The following PTPRM variants were observed in gnomAD, a reference collection of about 807,000 sequenced individuals.
The protein encoded by PTPRM is receptor-type tyrosine-protein phosphatase mu.
PTPRM carries 47 observed loss-of-function variants against 186.7 expected under a neutral mutation model. That is an observed-to-expected ratio of 0.25 (90% CI 0.20 to 0.32). The LOEUF is 0.32. Among genes scored for constraint, PTPRM ranks in the 10% least tolerant of loss-of-function variants. The pLI, the probability that PTPRM is intolerant of heterozygous loss-of-function variation, is 1.00. For synonymous variants in PTPRM, 668 were observed against 674.9 expected, an observed-to-expected ratio of 0.99 and a Z score of 0.16; for missense variants, 1,494 against 1,865.0, an observed-to-expected ratio of 0.80 and a Z score of 3.66.
intron 19 of PTPRM, among the ~76,000 whole-genome samples, chr18:8,267,333 G>A (rs1644124856): frequency 1.3e-5 from 2 of 151,908 alleles, no homozygotes; most frequent in Non-Finnish European, 2.9e-5. Flanking sequence ...AGTTGTAAGA[G>A]TATGGAGTAT....
chr18:8,238,322 G>C (rs984469240), intron 14 of PTPRM, among the ~76,000 whole-genome samples: 2 of 151,926 alleles, frequency 1.3e-5, no homozygotes, highest in Admixed American at 6.6e-5. Flanking sequence ...TCTCTTTTCA[G>C]TTTTGGAGGT....
chr18:7,981,811 G>T (rs978199209), intron 7 of PTPRM, among the ~76,000 whole-genome samples: 1 of 152,178 alleles, frequency 6.6e-6, no homozygotes, highest in Non-Finnish European at 1.5e-5. Context: ...TGTAGAGCAT[G>T]TTACTGTATT....
intron 22 of PTPRM, among the ~76,000 whole-genome samples, chr18:8,342,877 G>A (rs2095482987): frequency 6.6e-6 from 1 of 151,660 alleles, no homozygotes; most frequent in East Asian, 1.9e-4. Context: ...TGTTCAGTGA[G>A]AGGAAGTGCA....
At chr18:8,014,019 A>G (rs561703813) in intron 7 of PTPRM, among the ~76,000 whole-genome samples, 11 of 152,328 alleles carry the variant, frequency 7.2e-5, no homozygotes, top group Admixed American at 7.2e-4. Flanking sequence ...TCAAGTTAAA[A>G]TGAATAAACC....
chr18:7,793,985 C>T (rs1159938023), intron 2 of PTPRM, among the ~76,000 whole-genome samples: 2 of 152,178 alleles, frequency 1.3e-5, no homozygotes, highest in African/African-American at 2.4e-5. Context: ...CTTCGGCCTA[C>T]GGAACGATGC....
intron 1 of PTPRM, among the ~76,000 whole-genome samples, chr18:7,738,555 C>A (rs1321928914): frequency 6.6e-6 from 1 of 151,922 alleles, no homozygotes; most frequent in African/African-American, 2.4e-5. Flanking sequence ...CCTGCCTCAG[C>A]CTCCCGAGTA....
intron 20 of PTPRM, among the ~76,000 whole-genome samples, chr18:8,306,810 G>C (rs1312631282): frequency 1.3e-5 from 2 of 152,210 alleles, no homozygotes; most frequent in African/African-American, 4.8e-5. Flanking sequence ...CTTTGTCTGA[G>C]TGTCTCCCAC....
chr18:7,920,863 A>C (rs1483391334), intron 4 of PTPRM, among the ~76,000 whole-genome samples: 1 of 152,060 alleles, frequency 6.6e-6, no homozygotes, highest in African/African-American at 2.4e-5. Flanking sequence ...GGATAGCTTT[A>C]GTGGCTGCAG....
intron 23 of PTPRM, among the ~76,000 whole-genome samples, chr18:8,357,367 C>G (rs2095568815): frequency 6.6e-6 from 1 of 152,204 alleles, no homozygotes; most frequent in Admixed American, 6.5e-5. Context: ...CTACAGTAAA[C>G]TAAGATTTTT....
At chr18:8,119,371 C>T (rs1477325716) in intron 13 of PTPRM, among the ~76,000 whole-genome samples, 1 of 151,954 alleles carries the variant, frequency 6.6e-6, no homozygotes, top group Non-Finnish European at 1.5e-5. Context: ...AATGAAAGAG[C>T]GCTGATAAAA....
At chr18:7,735,289 C>T (rs960921891) in intron 1 of PTPRM, among the ~76,000 whole-genome samples, 5 of 151,844 alleles carry the variant, frequency 3.3e-5, no homozygotes, top group East Asian at 1.9e-4. Flanking sequence ...TGGTGGTGGG[C>T]GGCGCCTGTA....
At chr18:7,840,500 C>CA (rs1238476976) in intron 2 of PTPRM, among the ~76,000 whole-genome samples, 1 of 152,132 alleles carries the variant, frequency 6.6e-6, no homozygotes, top group East Asian at 1.9e-4. Context: ...GATCTGCCTC[C>CA]AAAAACTGAC....
At position 8,253,145 on chromosome 18, in the gene PTPRM, G is replaced by A. The variant is rs2094544098; in HGVS notation, c.2567-82G>A. On this transcript the variant is annotated intron_variant, in intron 18 of 32. Coordinates refer to ENST00000580170, the MANE Select transcript of PTPRM (RefSeq NM_001105244.2). The stretch of plus-strand genomic sequence containing the variant: ...GCACCCCTAGGTGAGGGGATGCCAG[G>A]AGCCAGCTTCTTAGCATTCTCAGTG... 4.2e-6 allele frequency: 5 copies of A among 1,177,262 alleles called. No individual in the cohort carries two copies. The East Asian group carries it at 1.3e-4, about 30-fold the overall frequency. 72.9% of individuals were successfully genotyped at this position (1,177,262 alleles called of 1,614,324 possible).
At chr18:8,293,252 A>G (rs2095060389) in intron 19 of PTPRM, among the ~76,000 whole-genome samples, 1 of 152,256 alleles carries the variant, frequency 6.6e-6, no homozygotes, top group African/African-American at 2.4e-5. Context: ...TTGGTCACCA[A>G]TTAAATGAAA....
At chr18:7,684,175 C>CT (rs1364880909) in intron 1 of PTPRM, among the ~76,000 whole-genome samples, 44 of 152,032 alleles carry the variant, frequency 2.9e-4, no homozygotes, top group Admixed American at 1.3e-4. Flanking sequence ...TGGTACATGC[C>CT]TGTAGTCCTA....
At chr18:8,272,132 G>A (rs1000038671) in intron 19 of PTPRM, among the ~76,000 whole-genome samples, 2 of 151,372 alleles carry the variant, frequency 1.3e-5, no homozygotes, top group African/African-American at 4.9e-5. Flanking sequence ...TTGAACCTGG[G>A]AGGTGGAGGT....
chr18:7,667,525 A>G (rs1042224147), intron 1 of PTPRM, among the ~76,000 whole-genome samples: 1 of 152,368 alleles, frequency 6.6e-6, no homozygotes, highest in South Asian at 2.1e-4. Context: ...CCAGAAAGCA[A>G]TGTATGGTTT....
intron 7 of PTPRM, among the ~76,000 whole-genome samples, chr18:7,991,210 A>G (rs907308561): frequency 2.0e-5 from 3 of 152,198 alleles, no homozygotes; most frequent in Non-Finnish European, 4.4e-5. Flanking sequence ...ACTGTTAAAC[A>G]TGATTTATGT....
intron 7 of PTPRM, among the ~76,000 whole-genome samples, chr18:8,006,540 G>C (rs2084197449): frequency 6.6e-6 from 1 of 152,172 alleles, no homozygotes; most frequent in African/African-American, 2.4e-5. Context: ...TCCTCCTCCT[G>C]CTTCTCTCAT....
Sources: gnomAD v4.1 joint callset for allele counts (sites outside exome capture counted in the v4.1 genomes callset) on GRCh38, gnomAD v4.1.1 for gene constraint, MANE v1.5 for transcripts, NCBI Gene and HGNC (gene_info 2026-07-23, HGNC 2026-07-21) for gene names.